The following ABCD2 variants were observed in gnomAD, a reference collection of about 807,000 sequenced individuals.
The protein encoded by ABCD2 is ATP-binding cassette sub-family D member 2.
A neutral mutation model predicts 70.9 loss-of-function variants in ABCD2; 36 were observed. That is an observed-to-expected ratio of 0.51 (90% CI 0.39 to 0.67). The LOEUF (loss-of-function observed/expected upper bound fraction) is 0.67. ABCD2 is among the 30% of genes least tolerant of loss of function. ABCD2 has a pLI of 0.00. For missense variants in ABCD2, 729 were observed against 890.2 expected (o/e 0.82, Z 2.30); for synonymous variants, 304 against 306.9 (o/e 0.99, Z 0.10).
At chr12:39,596,340 T>C (rs1003360508) in intron 6 of ABCD2, among the ~76,000 whole-genome samples, 4 of 152,222 alleles carry the variant, frequency 2.6e-5, no homozygotes, top group Admixed American at 2.6e-4. Context: ...TTTCCATTAG[T>C]TGAATGTTTT....
chr12:39,604,840 C>T lies in ABCD2; in HGVS notation c.1327G>A (p.Val443Ile), dbSNP rs202150785. The T allele has an allele frequency of 8.4e-5, 136 of 1,612,426 alleles. No individual in the cohort carries two copies. The highest frequency in any genetic ancestry group is 1.1e-4 in the Non-Finnish European group (130 of 1,179,152). Residue 443 changes from valine to isoleucine, a missense_variant, in exon 4 of 10, where the codon GTC becomes ATC. By Grantham distance (29) the Val-to-Ile change is conservative. Around this residue, in one of 3 missense-constraint regions of ABCD2, gnomAD observed 195 missense variants for 300.2 expected, o/e 0.65. Coordinates refer to ENST00000308666, the MANE Select transcript of ABCD2 (RefSeq NM_005164.4). ...VKRGIYKRTA[V>I]IQESESHSKN... ...CTATGGCTTTCAGATTCTTGAATGA[C>T]AGCAGTTCTCTTATAAATGCCTCTT...
intron 6 of ABCD2, among the ~76,000 whole-genome samples, chr12:39,599,078 TG>T (rs1359176013): frequency 1.3e-5 from 2 of 152,208 alleles, no homozygotes; most frequent in African/African-American, 4.8e-5. Flanking sequence ...TTGGTTTTTT[TG>T]CTTAAGCAAC....
intron 7 of ABCD2, among the ~76,000 whole-genome samples, chr12:39,584,412 T>C (rs1941638064): frequency 1.3e-5 from 2 of 152,234 alleles, no homozygotes; most frequent in Non-Finnish European, 2.9e-5. Flanking sequence ...AGATGCTAGA[T>C]ATTAGACTTT....
At chr12:39,600,081 TA>T (rs999175498) in intron 6 of ABCD2, among the ~76,000 whole-genome samples, 46 of 152,288 alleles carry the variant, frequency 3.0e-4, no homozygotes, top group African/African-American at 8.7e-4. Context: ...ATTCTTACAG[TA>T]AAAAAATTTA....
chr12:39,593,735 G>A (rs1273774289), intron 6 of ABCD2, among the ~76,000 whole-genome samples: 2 of 152,100 alleles, frequency 1.3e-5, no homozygotes, highest in Non-Finnish European at 2.9e-5. Context: ...TAAAGGGTAA[G>A]TCATGATCTT....
At chr12:39,609,833 C>G (rs1409552818) in intron 2 of ABCD2, among the ~76,000 whole-genome samples, 3 of 152,140 alleles carry the variant, frequency 2.0e-5, no homozygotes, top group Non-Finnish European at 4.4e-5. Flanking sequence ...AGGTAAAATT[C>G]ACCCAGCATG....
rs1942169338 is a variant in ABCD2 at position 39,619,713 on chromosome 12, C to T, written c.-98G>A. 4.7e-6 allele frequency: 5 copies of T among 1,061,178 alleles called. No homozygotes were observed. The highest frequency in any genetic ancestry group is 6.7e-6 in the Non-Finnish European group (5 of 749,242). The allele number at this position is 1,061,178 out of a possible 1,614,324, so 65.7% of individuals were successfully genotyped here. ...AATGTTTTAGAAAGTCCTACAGCGT[C>T]CCATAGTCTGCAGCGTTTCTCTTCC... On this transcript the variant is annotated 5_prime_UTR_variant, in exon 1 of 10. Transcript: ENST00000308666.
In ABCD2 at chr12:39,619,485, A is replaced by G; in HGVS notation, c.131T>C (p.Leu44Ser). Residue 44 changes from leucine to serine, a missense_variant, in exon 1 of 10, where the codon TTA (leucine) becomes TCA (serine). Leu to Ser is a moderately radical substitution (Grantham distance 145). This residue lies in a region of ABCD2 where 245 missense variants were observed against 261.2 expected (regional missense o/e 0.94). Coordinates refer to ENST00000308666, the MANE Select transcript of ABCD2 (RefSeq NM_005164.4). ...TTTCTTCCCGTGGCCAGATTGCTTTAAACGCTTGCCAATGATGGGATAGAG... is the reference window on the plus strand; with the variant it reads ...TTTCTTCCCGTGGCCAGATTGCTTTGAACGCTTGCCAATGATGGGATAGAG... ...KTLYPIIGKR[L>S]KQSGHGKKKA... 2 of 1,613,490 alleles carry G rather than the reference A, an allele frequency of 1.2e-6. No individual in the cohort carries two copies. The highest frequency in any genetic ancestry group is 2.2e-5 in the South Asian group (2 of 91,058).
chr12:39,595,167 G>A (rs1350342403), intron 6 of ABCD2, among the ~76,000 whole-genome samples: 2 of 152,050 alleles, frequency 1.3e-5, no homozygotes, highest in Non-Finnish European at 2.9e-5. Context: ...TCAGAAAGTT[G>A]GGAAAGTAAT....
chr12:39,584,362 T>G (rs2120629953), intron 7 of ABCD2, among the ~76,000 whole-genome samples: 2 of 152,276 alleles, frequency 1.3e-5, no homozygotes, highest in Middle Eastern at 6.8e-3. Context: ...TGTAATGGTG[T>G]TGTTTGTTTT....
At chr12:39,563,643 T>C (rs1941295111) in intron 9 of ABCD2, among the ~76,000 whole-genome samples, 1 of 149,950 alleles carries the variant, frequency 6.7e-6, no homozygotes, top group Admixed American at 6.6e-5. Flanking sequence ...TTTTTAATTA[T>C]ACTTTAAGTT....
downstream of ABCD2, among the ~76,000 whole-genome samples, chr12:39,545,212 T>C (rs1011048153): frequency 6.6e-6 from 1 of 152,208 alleles, no homozygotes; most frequent in Non-Finnish European, 1.5e-5. Context: ...GAGTAATTAT[T>C]TTTCACTTAG....
chr12:39,559,378 C>CAAAAAAAAAA (rs199560381), intron 9 of ABCD2, among the ~76,000 whole-genome samples: 3 of 60,402 alleles, frequency 5.0e-5, no homozygotes, highest in Non-Finnish European at 1.1e-4. Flanking sequence ...ACTCCAGCTC[C>CAAAAAAAAAA]AAAAAAAAAA....
intron 2 of ABCD2, among the ~76,000 whole-genome samples, chr12:39,613,385 C>CAAA (rs71075064): frequency 0.024 from 561 of 23,726 alleles, 8 homozygotes; most frequent in East Asian, 0.033. Context: ...GACTCCGTCT[C>CAAA]AAAAAAAAAA....
At chr12:39,590,284 ATGTT>A (rs1341037775) in intron 6 of ABCD2, among the ~76,000 whole-genome samples, 1 of 152,214 alleles carries the variant, frequency 6.6e-6, no homozygotes, top group Non-Finnish European at 1.5e-5. Flanking sequence ...ATCAATTACC[ATGTT>A]AGAATGTTAC....
chr12:39,563,264 C>G (rs912123604), intron 9 of ABCD2, among the ~76,000 whole-genome samples: 1 of 152,036 alleles, frequency 6.6e-6, no homozygotes, highest in Non-Finnish European at 1.5e-5. Context: ...GTGGCTCATG[C>G]CTGTAAATCT....
In ABCD2 at chr12:39,617,678, A is replaced by T. The variant is rs906705814; in HGVS notation, c.940-510T>A. 5.9e-5 allele frequency among the ~76,000 whole-genome samples: 9 copies of T among 152,318 alleles called. No individual in the cohort carries two copies. In the South Asian group the frequency reaches 1.9e-3, roughly 32 times the overall value. ...ATACAATATATGAGGTCAATTTTCAAGTGGGAGTAGGATTCCTAAATTTAC... is the reference window on the plus strand; with the variant it reads ...ATACAATATATGAGGTCAATTTTCATGTGGGAGTAGGATTCCTAAATTTAC... On this transcript the variant is annotated intron_variant, in intron 1 of 9. Transcript: ENST00000308666.
At chr12:39,597,440 G>C (rs752807812) in intron 6 of ABCD2, among the ~76,000 whole-genome samples, 1 of 152,140 alleles carries the variant, frequency 6.6e-6, no homozygotes, top group Non-Finnish European at 1.5e-5. Context: ...TAAATTAGTG[G>C]ATTTGTGAAA....
Position 39,600,615 on chromosome 12 carries a change from G to C in ABCD2, c.1602C>G (p.Val534=). ...TATGTTGAGGAGGTGGTTTATAGAG[G>C]ACTCCTTCATACACAGGCCAGAGCC... ...LSGLWPVYEG[V]LYKPPPQHMF... Residue 534 remains valine (V), a synonymous_variant, in exon 6 of 10, where the codon GTC becomes GTG. Coordinates refer to ENST00000308666, the MANE Select transcript of ABCD2 (RefSeq NM_005164.4). 6.2e-7 allele frequency: 1 copy of C among 1,611,722 alleles called. No homozygotes were observed.
Sources: allele counts gnomAD v4.1 joint callset (sites outside exome capture counted in the v4.1 genomes callset), GRCh38; gene constraint gnomAD v4.1.1; regional missense constraint gnomAD v4.1.1; transcripts MANE v1.5; gene names NCBI Gene and HGNC (gene_info 2026-07-23, HGNC 2026-07-21).